Variants in ZFHX3 observed in about 807,000 individuals in gnomAD.
ZFHX3 encodes the protein zinc finger homeobox 3.
In ZFHX3, 42 loss-of-function variants were observed where a neutral mutation model predicts 279.1. The ratio of observed to expected loss-of-function variants is 0.15; its 90% CI spans 0.12 to 0.19. The LOEUF (loss-of-function observed/expected upper bound fraction) is 0.19, where lower values mean the gene tolerates loss of function less well. Among genes scored for constraint, ZFHX3 ranks in the 10% least tolerant of loss-of-function variants. The pLI, the probability that ZFHX3 is intolerant of heterozygous loss-of-function variation, is 1.00. For missense variants in ZFHX3, 4,981 were observed against 4,754.0 expected (o/e 1.05, Z -1.40); for synonymous variants, 2,293 against 1,957.8 (o/e 1.17, Z -4.52).
At chr16:73,539,058 A>G (rs995326459) in intron 2 of ZFHX3, among the ~76,000 whole-genome samples, 1 of 152,222 alleles carries the variant, frequency 6.6e-6, no homozygotes, top group African/African-American at 2.4e-5. Flanking sequence ...GGGAAATGAC[A>G]GCATTGAATT....
intron 3 of ZFHX3, among the ~76,000 whole-genome samples, chr16:73,429,353 G>A (rs1597332303): frequency 6.6e-6 from 1 of 152,134 alleles, no homozygotes; most frequent in Non-Finnish European, 1.5e-5. Flanking sequence ...ATTTTTATGA[G>A]ATGGAGTCTC....
chr16:72,874,686 G>T (rs1597334326), intron 4 of ZFHX3, among the ~76,000 whole-genome samples: 2 of 151,470 alleles, frequency 1.3e-5, no homozygotes, highest in South Asian at 2.1e-4. Flanking sequence ...TTGAGACAGG[G>T]TCTCGCTGTG....
intron 5 of ZFHX3, among the ~76,000 whole-genome samples, chr16:72,814,351 T>C (rs2036545230): frequency 1.3e-5 from 2 of 152,118 alleles, no homozygotes; most frequent in South Asian, 4.1e-4. Flanking sequence ...CCCCCTACTA[T>C]GGAATGAGTC....
At chr16:73,278,487 G>A (rs1406851062) in intron 4 of ZFHX3, among the ~76,000 whole-genome samples, 1 of 152,206 alleles carries the variant, frequency 6.6e-6, no homozygotes, top group African/African-American at 2.4e-5. Flanking sequence ...CAGCTCTAAA[G>A]ATGGCACAGA....
Position 73,216,286 on chromosome 16 carries a change from A to C in ZFHX3, c.-1104+40761T>G, listed in dbSNP as rs546878087. Reference sequence around the variant, plus strand: ...CTTGATTTGTGGCTTCTTGCTGCTTACAGGTCAAGTCCAAACTCTGTGCCA... The same window carrying C: ...CTTGATTTGTGGCTTCTTGCTGCTTCCAGGTCAAGTCCAAACTCTGTGCCA... On this transcript the variant is annotated intron_variant, in intron 5 of 17. Transcript: ENST00000641206. 5.3e-5 allele frequency among the ~76,000 whole-genome samples: 8 copies of C among 152,300 alleles called. No individual in the cohort carries two copies. In the South Asian group the frequency reaches 1.7e-3, roughly 32 times the overall value.
chr16:73,395,294 T>C (rs1215701084), intron 3 of ZFHX3, among the ~76,000 whole-genome samples: 1 of 152,118 alleles, frequency 6.6e-6, no homozygotes, highest in Non-Finnish European at 1.5e-5. Context: ...AGAAACCCTG[T>C]CTCTACTAAA....
At chr16:73,298,142 G>A (rs1213429270) in intron 4 of ZFHX3, among the ~76,000 whole-genome samples, 1 of 151,690 alleles carries the variant, frequency 6.6e-6, no homozygotes, top group Non-Finnish European at 1.5e-5. Context: ...AGTGAGCTAT[G>A]ATTGAGTCAC....
chr16:73,887,763 T>C (rs971153331), intron 1 of ZFHX3, among the ~76,000 whole-genome samples: 11 of 152,184 alleles, frequency 7.2e-5, no homozygotes, highest in Non-Finnish European at 8.8e-5. Flanking sequence ...TAATAAAGTA[T>C]GTTGGGTAAC....
intron 1 of ZFHX3, among the ~76,000 whole-genome samples, chr16:73,768,640 T>C (rs909248291): frequency 2.6e-5 from 4 of 152,224 alleles, no homozygotes; most frequent in South Asian, 2.1e-4. Flanking sequence ...TACATTCCTG[T>C]TGTCTGTCTT....
chr16:73,247,564 G>C (rs1329996987), intron 5 of ZFHX3, among the ~76,000 whole-genome samples: 11 of 151,748 alleles, frequency 7.2e-5, no homozygotes, highest in Admixed American at 6.6e-4. Context: ...TGTATGCGGA[G>C]TGTATGAGTG....
At chr16:73,200,145 A>G (rs1968239405) in intron 5 of ZFHX3, among the ~76,000 whole-genome samples, 1 of 152,178 alleles carries the variant, frequency 6.6e-6, no homozygotes, top group Non-Finnish European at 1.5e-5. Flanking sequence ...CAGTGTTATG[A>G]AGAAGAATAA....
intron 1 of ZFHX3, among the ~76,000 whole-genome samples, chr16:73,710,242 A>T (rs1380108777): frequency 2.6e-5 from 4 of 152,212 alleles, no homozygotes; most frequent in Non-Finnish European, 5.9e-5. Flanking sequence ...TGCATTAAGC[A>T]TTTAAATCAG....
At chr16:73,601,608 C>G (rs2052119265) in intron 2 of ZFHX3, among the ~76,000 whole-genome samples, 1 of 152,094 alleles carries the variant, frequency 6.6e-6, no homozygotes, top group African/African-American at 2.4e-5. Context: ...AGTAATCCAA[C>G]AGAATGGGCA....
At chr16:73,433,797 C>T (rs529328823) in intron 3 of ZFHX3, among the ~76,000 whole-genome samples, 19 of 152,316 alleles carry the variant, frequency 1.2e-4, no homozygotes, top group South Asian at 1.0e-3. Flanking sequence ...GCCCACTCTG[C>T]GGCTGCACGG....
chr16:73,567,718 C>T (rs1378549426), intron 2 of ZFHX3, among the ~76,000 whole-genome samples: 1 of 152,184 alleles, frequency 6.6e-6, no homozygotes, highest in Non-Finnish European at 1.5e-5. Flanking sequence ...TGCCTGCGTC[C>T]CTTGTAGCTT....
chr16:73,048,854 A>C (rs1965395584), upstream of ZFHX3, among the ~76,000 whole-genome samples: 1 of 152,230 alleles, frequency 6.6e-6, no homozygotes, highest in Non-Finnish European at 1.5e-5. Flanking sequence ...GAAAGAGAAA[A>C]GGAGAGATCA....
chr16:73,105,370 C>CATATATATATACACACACACACAT (rs1567389762), intron 7 of ZFHX3, among the ~76,000 whole-genome samples: 26 of 112,518 alleles, frequency 2.3e-4, no homozygotes, highest in South Asian at 2.7e-4. Flanking sequence ...TATATACACA[C>CATATATATATACACACACACACAT]ATATATATAT....
chr16:73,315,844 AAG>A (rs1237034589), intron 4 of ZFHX3, among the ~76,000 whole-genome samples: 34 of 152,208 alleles, frequency 2.2e-4, no homozygotes, highest in Admixed American at 2.1e-3. Flanking sequence ...AGTTATGTGT[AAG>A]AGAAGCTTTT....
intron 3 of ZFHX3, among the ~76,000 whole-genome samples, chr16:73,388,186 C>A (rs1352607245): frequency 6.6e-6 from 1 of 152,110 alleles, no homozygotes; most frequent in African/African-American, 2.4e-5. Flanking sequence ...GAAGCAGCAG[C>A]AAATGGCTGC....
Sources: allele counts gnomAD v4.1 joint callset (sites outside exome capture counted in the v4.1 genomes callset), GRCh38; gene constraint gnomAD v4.1.1; transcripts MANE v1.5; gene names NCBI Gene and HGNC (gene_info 2026-07-23, HGNC 2026-07-21).